The following FRY variants were observed in gnomAD, a reference collection of about 807,000 sequenced individuals.
FRY encodes the protein FRY microtubule binding protein, also known as protein furry homolog.
A neutral mutation model predicts 348.4 loss-of-function variants in FRY; 128 were observed. The observed-to-expected ratio is 0.37, with a 90% CI of 0.32 to 0.43. The LOEUF (loss-of-function observed/expected upper bound fraction) is 0.43, where lower values mean the gene tolerates loss of function less well. Among genes scored for constraint, FRY ranks in the 20% least tolerant of loss-of-function variants. The pLI, the probability that FRY is intolerant of heterozygous loss-of-function variation, is 1.00. For missense variants in FRY, 2,736 were observed against 3,695.2 expected, an observed-to-expected ratio of 0.74 and a Z score of 6.73; for synonymous variants, 1,370 against 1,374.7, an observed-to-expected ratio of 1.00 and a Z score of 0.08.
chr13:32,068,114 A>T (rs1208881180), intron 1 of FRY, among the ~76,000 whole-genome samples: 2 of 152,172 alleles, frequency 1.3e-5, no homozygotes, highest in Non-Finnish European at 2.9e-5. Flanking sequence ...AGCACCAGTA[A>T]TTCAAATTGT....
chr13:32,257,907 TA>T, intron 51 of FRY: 2 of 1,474,752 alleles, frequency 1.4e-6, no homozygotes, highest in Non-Finnish European at 1.9e-6. Context: ...ATCTTTAATA[TA>T]ATCATTGTAA....
At chr13:32,214,991 G>C (rs547068692) in intron 35 of FRY, among the ~76,000 whole-genome samples, 1 of 152,104 alleles carries the variant, frequency 6.6e-6, no homozygotes, top group South Asian at 2.1e-4. Flanking sequence ...TAATAATGCC[G>C]TTCCTACTGA....
chr13:32,269,880 C>A (rs762223308), intron 55 of FRY, among the ~76,000 whole-genome samples: 1 of 152,112 alleles, frequency 6.6e-6, no homozygotes, highest in Non-Finnish European at 1.5e-5. Context: ...GAATTATATA[C>A]CAGTAGTGCA....
intron 1 of FRY, among the ~76,000 whole-genome samples, chr13:32,032,874 T>C (rs1418958632): frequency 6.6e-6 from 1 of 152,254 alleles, no homozygotes; most frequent in East Asian, 1.9e-4. Flanking sequence ...TTAACCTACC[T>C]GTGCTCAAAG....
chr13:32,158,538 C>G (rs895809795), intron 16 of FRY, among the ~76,000 whole-genome samples: 1 of 152,230 alleles, frequency 6.6e-6, no homozygotes, highest in Admixed American at 6.5e-5. Flanking sequence ...CACAAATTGC[C>G]AGATTATCAA....
At chr13:32,069,768 G>A (rs1874504463) in intron 1 of FRY, among the ~76,000 whole-genome samples, 1 of 152,114 alleles carries the variant, frequency 6.6e-6, no homozygotes, top group Non-Finnish European at 1.5e-5. Context: ...CAACGTGCAG[G>A]TTTGTTACAT....
chr13:32,228,820 A>G (rs1033514961), intron 40 of FRY, among the ~76,000 whole-genome samples, 166 bp downstream of exon 40: 1 of 152,254 alleles, frequency 6.6e-6, no homozygotes, highest in African/African-American at 2.4e-5. Context: ...ACTGAGATAC[A>G]GAGAATTACA....
At chr13:32,192,424 C>G (rs1249478947) in intron 28 of FRY, among the ~76,000 whole-genome samples, 1 of 151,482 alleles carries the variant, frequency 6.6e-6, no homozygotes, top group South Asian at 2.1e-4. Flanking sequence ...GCCATTCTCC[C>G]GCCTCAGCCT....
intron 58 of FRY, among the ~76,000 whole-genome samples, chr13:32,289,284 C>A (rs752838448): frequency 2.5e-4 from 38 of 152,042 alleles, no homozygotes; most frequent in Non-Finnish European, 4.6e-4. Flanking sequence ...GGAAATTTTT[C>A]TTTTTAAAAA....
At chr13:32,229,522 C>T (rs1419121861) in intron 40 of FRY, among the ~76,000 whole-genome samples, 1 of 152,198 alleles carries the variant, frequency 6.6e-6, no homozygotes, top group Non-Finnish European at 1.5e-5. Context: ...GTGCAGGAAG[C>T]TTAGGACAGG....
At chr13:32,252,005 T>G in intron 50 of FRY, 53 bp downstream of exon 50, 1 of 1,213,522 alleles carries the variant, frequency 8.2e-7, no homozygotes, top group Non-Finnish European at 1.2e-6. Context: ...CCTTTTTCAT[T>G]GGTCTGTTTT....
intron 2 of FRY, 111 bp downstream of exon 2, chr13:32,079,144 G>C (rs79025279): frequency 3.7e-6 from 3 of 821,788 alleles, no homozygotes; most frequent in South Asian, 1.3e-5. Context: ...GTTTGTAAAG[G>C]TTCTTTAATA....
At position 32,234,765 on chromosome 13, in the gene FRY, T is replaced by C; in HGVS notation, c.5715+4T>C. On this transcript the variant is annotated splice_donor_region_variant and intron_variant, in intron 42 of 60. Coordinates refer to ENST00000542859, the MANE Select transcript of FRY (RefSeq NM_023037.3). The stretch of plus-strand genomic sequence containing the variant: ...AGAACATGGAGATGAGATTCAGGTA[T>C]GGAAGGGAAGACCACTGAGCTCGTG... The C allele has an allele frequency of 6.2e-7, 1 of 1,612,928 alleles. No individual in the cohort carries two copies. Among genetic ancestry groups the C allele is most frequent in the East Asian group, 2.2e-5 (1 of 44,872 alleles).
intron 20 of FRY, among the ~76,000 whole-genome samples, chr13:32,177,450 G>A (rs570325630): frequency 1.3e-5 from 2 of 152,004 alleles, no homozygotes; most frequent in East Asian, 1.9e-4. Flanking sequence ...AAAAATTAGC[G>A]AGGTGTGGTG....
intron 59 of FRY, among the ~76,000 whole-genome samples, chr13:32,292,226 A>AC (rs1264200475): frequency 1.3e-5 from 2 of 151,200 alleles, no homozygotes; most frequent in African/African-American, 2.4e-5. Context: ...CAAGTGATCC[A>AC]CCCCCGTTGG....
At chr13:32,287,839 T>TC (rs1352378863) in intron 58 of FRY, 6 of 1,335,388 alleles carry the variant, frequency 4.5e-6, no homozygotes, top group Non-Finnish European at 5.0e-6. Context: ...TCCTTTCCTT[T>TC]GTTTCCTGTG....
intron 36 of FRY, among the ~76,000 whole-genome samples, chr13:32,223,216 C>A (rs1214264761): frequency 6.6e-6 from 1 of 152,066 alleles, no homozygotes; most frequent in African/African-American, 2.4e-5. Context: ...CCTTGGCCTT[C>A]CAAAGTGCTA....
intron 14 of FRY, among the ~76,000 whole-genome samples, chr13:32,154,199 A>G (rs1478477499): frequency 6.6e-6 from 1 of 152,204 alleles, no homozygotes; most frequent in African/African-American, 2.4e-5. Flanking sequence ...GCCTAGAAAC[A>G]TCTCATAAAA....
At position 32,208,968 on chromosome 13, in the gene FRY, G is replaced by A. The variant is rs1347401614; in HGVS notation, c.4134G>A (p.Gly1378=). 3.1e-6 allele frequency: 5 copies of A among 1,614,124 alleles called. No individual in the cohort carries two copies. The highest frequency in any genetic ancestry group is 1.3e-5 in the African/African-American group (1 of 75,030). The change falls in exon 32 of 61, where the codon GGG becomes GGA. Residue 1378 remains glycine (G), a synonymous_variant. Coordinates refer to ENST00000542859, the MANE Select transcript of FRY (RefSeq NM_023037.3). ...ELVDSRLLLP[G]SSPSSPEDEV... Reference sequence around the variant, plus strand: ...TGGACAGCAGGCTCCTCCTCCCGGGGTCGAGCCCCAGCAGCCCAGAGGACG... The same window carrying A: ...TGGACAGCAGGCTCCTCCTCCCGGGATCGAGCCCCAGCAGCCCAGAGGACG...
Sources: gnomAD v4.1 joint callset for allele counts (sites outside exome capture counted in the v4.1 genomes callset) on GRCh38, gnomAD v4.1.1 for gene constraint, MANE v1.5 for transcripts, NCBI Gene and HGNC (gene_info 2026-07-23, HGNC 2026-07-21) for gene names.